Variants in ERG observed in about 807,000 individuals in gnomAD.
ERG encodes transcriptional regulator ERG.
In ERG, 9 loss-of-function variants were observed where a neutral mutation model predicts 55.3. That is an observed-to-expected ratio of 0.16 (90% CI 0.10 to 0.28). The LOEUF (loss-of-function observed/expected upper bound fraction) is 0.28. Among genes scored for constraint, ERG ranks in the 10% least tolerant of loss-of-function variants. The pLI is 1.00. For synonymous variants in ERG, 223 were observed against 237.3 expected, an observed-to-expected ratio of 0.94 and a Z score of 0.55; for missense variants, 434 against 631.6, an observed-to-expected ratio of 0.69 and a Z score of 3.35.
At chr21:38,524,439 G>A (rs916328308) in intron 2 of ERG, among the ~76,000 whole-genome samples, 1 of 152,038 alleles carries the variant, frequency 6.6e-6, no homozygotes, top group Non-Finnish European at 1.5e-5. Flanking sequence ...TGATCTTTTC[G>A]GACTATTAGT....
At chr21:38,397,617 A>G (rs1365988009) in intron 6 of ERG, among the ~76,000 whole-genome samples, 1 of 150,102 alleles carries the variant, frequency 6.7e-6, no homozygotes, top group East Asian at 1.9e-4. Flanking sequence ...AAAAAAAAAA[A>G]AGAAGAGAAA....
chr21:38,624,476 T>A (rs2060312767), intron 1 of ERG, among the ~76,000 whole-genome samples: 1 of 151,952 alleles, frequency 6.6e-6, no homozygotes, highest in Non-Finnish European at 1.5e-5. Flanking sequence ...ATAAAAAAAC[T>A]CTCCTCCCTA....
chr21:38,595,338 G>C (rs888532609), intron 1 of ERG, among the ~76,000 whole-genome samples: 2 of 152,220 alleles, frequency 1.3e-5, no homozygotes, highest in African/African-American at 4.8e-5. Context: ...GCCTCGGAAT[G>C]CAAGAGACAG....
chr21:38,490,050 G>A (rs987054019), intron 1 of ERG, among the ~76,000 whole-genome samples: 15 of 152,294 alleles, frequency 9.8e-5, no homozygotes, highest in African/African-American at 3.4e-4. Context: ...TGCAGTGTCC[G>A]GTGAACTCAC....
At position 38,401,585 on chromosome 21, in the gene ERG, A is replaced by T. The variant is rs116574889; in HGVS notation, c.674-940T>A. Reference sequence around the variant, plus strand: ...ATTTTATATTTTAAAATAAAATGGTAAATATTGGGAAAATTGCGTATTTCT... The same window carrying T: ...ATTTTATATTTTAAAATAAAATGGTTAATATTGGGAAAATTGCGTATTTCT... On this transcript the variant is annotated intron_variant, in intron 5 of 9. Coordinates refer to ENST00000288319, the MANE Select transcript of ERG (RefSeq NM_182918.4). 5.9e-3 allele frequency among the ~76,000 whole-genome samples: 898 copies of T among 152,344 alleles called. 11 individuals are homozygous for T. The highest frequency in any genetic ancestry group is 0.021 in the African/African-American group (871 of 41,574).
chr21:38,461,975 T>C (rs184163454), intron 1 of ERG, among the ~76,000 whole-genome samples: 2 of 152,046 alleles, frequency 1.3e-5, no homozygotes, highest in East Asian at 3.9e-4. Flanking sequence ...TGGCTAATTT[T>C]TTTTTCTTTT....
chr21:38,440,014 C>T (rs1056364636), intron 2 of ERG, among the ~76,000 whole-genome samples: 1 of 152,152 alleles, frequency 6.6e-6, no homozygotes. Context: ...GCAGAGAGTG[C>T]ACTTCTCCCG....
chr21:38,454,823 G>A lies in ERG; in HGVS notation c.19-9202C>T, dbSNP rs571455631. On this transcript the variant is annotated intron_variant, in intron 1 of 9. Coordinates refer to ENST00000288319, the MANE Select transcript of ERG (RefSeq NM_182918.4). ...TGTAAGTACTGGATTTTCAAACCAA[G>A]TATCTACCTAACAGAGGGGAAGGGA... Among the ~76,000 whole-genome samples the A allele has an allele frequency of 5.3e-5, 8 of 152,268 alleles. No homozygotes were observed. The East Asian group carries it at 1.5e-3, about 29-fold the overall frequency.
At chr21:38,593,687 A>G (rs542308502) in intron 1 of ERG, among the ~76,000 whole-genome samples, 38 of 152,358 alleles carry the variant, frequency 2.5e-4, no homozygotes, top group African/African-American at 8.9e-4. Context: ...AAAATACCCA[A>G]TTGGCAATTA....
At chr21:38,523,704 G>A (rs2059611364) in intron 2 of ERG, among the ~76,000 whole-genome samples, 1 of 152,172 alleles carries the variant, frequency 6.6e-6, no homozygotes, top group Non-Finnish European at 1.5e-5. Context: ...GGATTTCAAT[G>A]TTATTTCATA....
intron 2 of ERG, among the ~76,000 whole-genome samples, chr21:38,435,793 T>C (rs1435605387): frequency 6.6e-6 from 1 of 152,232 alleles, no homozygotes; most frequent in African/African-American, 2.4e-5. Flanking sequence ...ATTTTGGGAT[T>C]CATCATTTGA....
At chr21:38,630,651 G>A (rs1040822171) in intron 1 of ERG, among the ~76,000 whole-genome samples, 1 of 152,202 alleles carries the variant, frequency 6.6e-6, no homozygotes, top group African/African-American at 2.4e-5. Flanking sequence ...CTAACATTGA[G>A]GAAGAAGAGA....
intron 1 of ERG, among the ~76,000 whole-genome samples, chr21:38,642,476 A>G (rs972055881): frequency 8.9e-5 from 6 of 67,234 alleles, no homozygotes; most frequent in African/African-American, 1.4e-4. Flanking sequence ...CCCTAAATCC[A>G]TATACACAGA....
chr21:38,613,493 G>C (rs73440492), intron 1 of ERG, among the ~76,000 whole-genome samples: 1 of 152,182 alleles, frequency 6.6e-6, no homozygotes, highest in African/African-American at 2.4e-5. Context: ...GTTGTTCATC[G>C]TTTTCATGAG....
intron 2 of ERG, among the ~76,000 whole-genome samples, chr21:38,521,351 G>A (rs1472021104): frequency 6.6e-6 from 1 of 152,170 alleles, no homozygotes; most frequent in Non-Finnish European, 1.5e-5. Flanking sequence ...CAGGCACAGA[G>A]AAGTTACGTC....
At chr21:38,459,115 C>T (rs564038176) in intron 1 of ERG, among the ~76,000 whole-genome samples, 1 of 152,306 alleles carries the variant, frequency 6.6e-6, no homozygotes, top group South Asian at 2.1e-4. Flanking sequence ...TGGGCCACTT[C>T]TCTACTAGGC....
chr21:38,475,554 T>C (rs1421923269), intron 1 of ERG, among the ~76,000 whole-genome samples: 1 of 152,208 alleles, frequency 6.6e-6, no homozygotes, highest in Non-Finnish European at 1.5e-5. Flanking sequence ...GCCTTTGCCA[T>C]TCCCCTGGTC....
intron 2 of ERG, among the ~76,000 whole-genome samples, chr21:38,532,780 T>G (rs750585152): frequency 6.6e-6 from 1 of 152,204 alleles, no homozygotes; most frequent in African/African-American, 2.4e-5. Context: ...CTATGGATAG[T>G]AGAAGTAACT....
intron 1 of ERG, among the ~76,000 whole-genome samples, chr21:38,457,767 G>T (rs1053585170): frequency 2.0e-5 from 3 of 152,198 alleles, no homozygotes; most frequent in African/African-American, 7.2e-5. Context: ...GTGGACATCT[G>T]ACCACCAGGC....
Sources: gnomAD v4.1 joint callset for allele counts (sites outside exome capture counted in the v4.1 genomes callset) on GRCh38, gnomAD v4.1.1 for gene constraint, MANE v1.5 for transcripts, NCBI Gene and HGNC (gene_info 2026-07-23, HGNC 2026-07-21) for gene names.